The following NBEAL1 variants were observed in gnomAD, a reference collection of about 807,000 sequenced individuals.
NBEAL1 encodes neurobeachin-like protein 1.
Under a neutral mutation model 351.3 loss-of-function variants are expected in NBEAL1, and 273 were observed. The ratio of observed to expected loss-of-function variants is 0.78; its 90% CI spans 0.70 to 0.86. The LOEUF (loss-of-function observed/expected upper bound fraction) is 0.86, where lower values mean the gene tolerates loss of function less well. Ranked by LOEUF, NBEAL1 falls within the 40% of genes least tolerant of loss-of-function variation. The pLI is 0.00. For missense variants in NBEAL1, 2,961 were observed against 3,201.3 expected (o/e 0.92, Z 1.81); for synonymous variants, 1,050 against 1,086.4 (o/e 0.97, Z 0.66).
chr2:203,040,398 T>A (rs912491515), intron 2 of NBEAL1: 7 of 712,978 alleles, frequency 9.8e-6, no homozygotes, highest in Non-Finnish European at 1.5e-5. Flanking sequence ...AAAGGATTAA[T>A]GGCATGAGTT....
At chr2:203,097,850 A>T (rs1163807264) in intron 11 of NBEAL1, among the ~76,000 whole-genome samples, 4 of 152,238 alleles carry the variant, frequency 2.6e-5, no homozygotes, top group Non-Finnish European at 5.9e-5. Flanking sequence ...GTACCATTCC[A>T]TTCCCTCTAC....
chr2:203,209,413 A>G (rs1021308108), intron 53 of NBEAL1, 91 bp downstream of exon 53: 2 of 953,010 alleles, frequency 2.1e-6, no homozygotes, highest in African/African-American at 3.3e-5. Flanking sequence ...AGAAGGAAAG[A>G]ACACCATATT....
At chr2:203,095,433 T>G (rs1180833039) in intron 10 of NBEAL1, among the ~76,000 whole-genome samples, 1 of 151,886 alleles carries the variant, frequency 6.6e-6, no homozygotes, top group Non-Finnish European at 1.5e-5. Context: ...TAGCTGAGAT[T>G]ACAGGCATGC....
Position 203,183,832 on chromosome 2 carries a change from T to C in NBEAL1, c.6705+444T>C, listed in dbSNP as rs188034345. Among the ~76,000 whole-genome samples, 464 of 152,044 alleles carry C rather than the reference T, an allele frequency of 3.1e-3. 1 individual carries two copies. Among genetic ancestry groups the C allele is most frequent in the Middle Eastern group, 6.8e-3 (2 of 294 alleles). ...CTCACACCTGTAATCCTAGCACTTTTGGAGGCCAAGGAGGCCAAGGCCTCA... is the reference window on the plus strand; with the variant it reads ...CTCACACCTGTAATCCTAGCACTTTCGGAGGCCAAGGAGGCCAAGGCCTCA... On this transcript the variant is annotated intron_variant, in intron 44 of 55. Coordinates refer to ENST00000683969, the MANE Select transcript of NBEAL1 (RefSeq NM_001378026.1).
At position 203,184,201 on chromosome 2, in the gene NBEAL1, C is replaced by T. The variant is rs1192894675; in HGVS notation, c.6705+813C>T. 2.0e-5 allele frequency among the ~76,000 whole-genome samples: 3 copies of T among 151,436 alleles called. No homozygotes were observed. In the South Asian group the frequency reaches 6.3e-4, roughly 32 times the overall value. On this transcript the variant is annotated intron_variant, in intron 44 of 55. Coordinates refer to ENST00000683969, the MANE Select transcript of NBEAL1 (RefSeq NM_001378026.1). ...ATCCCAGCACTGTGGGAGGCCAAGG[C>T]GGGCAGATCACCTGAGGTCAGGAAT...
chr2:203,125,875 G>A (rs1181307254), intron 20 of NBEAL1, 85 bp from the exon 21 acceptor site: 2 of 1,142,626 alleles, frequency 1.8e-6, no homozygotes, highest in East Asian at 5.6e-5. Flanking sequence ...TCTACTTTGT[G>A]TAACAGTGTG....
At chr2:203,200,677 G>C (rs1173552315) in intron 49 of NBEAL1, among the ~76,000 whole-genome samples, 4 of 152,050 alleles carry the variant, frequency 2.6e-5, no homozygotes, top group Non-Finnish European at 5.9e-5. Flanking sequence ...CTGGACGACA[G>C]AGCAAGACTC....
At chr2:203,100,476 G>T (rs2062290316) in intron 12 of NBEAL1, among the ~76,000 whole-genome samples, 1 of 151,442 alleles carries the variant, frequency 6.6e-6, no homozygotes, top group Non-Finnish European at 1.5e-5. Flanking sequence ...TTGTGGTTTT[G>T]ATTTGCATTT....
At chr2:203,159,011 G>T (rs897489382) in intron 36 of NBEAL1, among the ~76,000 whole-genome samples, 3 of 151,660 alleles carry the variant, frequency 2.0e-5, no homozygotes, top group African/African-American at 7.3e-5. Context: ...CGGAGACAGG[G>T]TCTCACTGTA....
Position 203,160,798 on chromosome 2 carries a change from G to GT in NBEAL1, c.5714+2980dup, listed in dbSNP as rs138266285. On this transcript the variant is annotated intron_variant, in intron 36 of 55. Coordinates refer to ENST00000683969, the MANE Select transcript of NBEAL1 (RefSeq NM_001378026.1). ...GCCAATGACGTCTCTATTCATTGGG[G>GT]TTTTTTTGTTTTGTTTTTTGTTGTA... 4.1e-3 allele frequency among the ~76,000 whole-genome samples: 624 copies of GT among 152,204 alleles called. 1 individual carries two copies. The highest frequency in any genetic ancestry group is 0.014 in the Middle Eastern group (4 of 294).
At chr2:203,204,236 CT>C (rs202118807) in intron 51 of NBEAL1, among the ~76,000 whole-genome samples, 1 of 139,536 alleles carries the variant, frequency 7.2e-6, no homozygotes, top group African/African-American at 2.6e-5. Flanking sequence ...CCCATACCCT[CT>C]TTTTTTTAAA....
chr2:203,058,187 A>G (rs1183069503), intron 6 of NBEAL1, among the ~76,000 whole-genome samples: 1 of 152,078 alleles, frequency 6.6e-6, no homozygotes, highest in African/African-American at 2.4e-5. Context: ...TAAGGAAAAC[A>G]TAAACGAGAC....
At chr2:203,020,045 T>A (rs912974279) in intron 2 of NBEAL1, among the ~76,000 whole-genome samples, 2 of 152,188 alleles carry the variant, frequency 1.3e-5, no homozygotes, top group Non-Finnish European at 2.9e-5. Flanking sequence ...TGATAATAAT[T>A]TTAATTGATA....
At position 203,199,375 on chromosome 2, in the gene NBEAL1, G is replaced by A; in HGVS notation, c.7166G>A (p.Gly2389Glu). ...ATGAATTATGTTATTGGAACCCATG[G>A]ATGGTTGCCTTATGACAGAAACATT... ...ISMNYVIGTH[G>E]WLPYDRNISN... The change falls in exon 49 of 56, where the codon GGA (glycine) becomes GAA (glutamate). Residue 2389 changes from glycine to glutamate, a missense_variant. Coordinates refer to ENST00000683969, the MANE Select transcript of NBEAL1 (RefSeq NM_001378026.1). 1 of 1,606,822 alleles carries A rather than the reference G, an allele frequency of 6.2e-7. No individual in the cohort carries two copies. Among genetic ancestry groups the A allele is most frequent in the Non-Finnish European group, 8.5e-7 (1 of 1,174,118 alleles).
At position 203,103,279 on chromosome 2, in the gene NBEAL1, C is replaced by CT. The variant is rs945128736; in HGVS notation, c.1269+3578dup. Reference sequence around the variant, plus strand: ...CTGGAATTGTTGATCTTTTGTATTTCTTTTTTTTTTTGGAGACAGAGTCTC... The same window carrying CT: ...CTGGAATTGTTGATCTTTTGTATTTCTTTTTTTTTTTTGGAGACAGAGTCTC... On this transcript the variant is annotated intron_variant, in intron 12 of 55. Transcript: ENST00000683969. Among the ~76,000 whole-genome samples, 641 of 144,496 alleles carry CT rather than the reference C, an allele frequency of 4.4e-3. 2 individuals carry two copies. The highest frequency in any genetic ancestry group is 4.9e-3 in the Non-Finnish European group (320 of 65,492). 94.8% of individuals were successfully genotyped at this position (144,496 alleles called of 152,430 possible). A position where few individuals can be genotyped will look rare whatever the true frequency, so the allele number is the denominator to read the frequency against.
intron 24 of NBEAL1, among the ~76,000 whole-genome samples, chr2:203,129,912 A>G (rs1412061667): frequency 1.3e-5 from 2 of 152,252 alleles, no homozygotes; most frequent in South Asian, 2.1e-4. Context: ...AAAAGATATC[A>G]GAGGCCAGGT....
intron 24 of NBEAL1, among the ~76,000 whole-genome samples, chr2:203,129,681 C>G (rs1387272998): frequency 2.0e-5 from 3 of 152,012 alleles, no homozygotes; most frequent in Non-Finnish European, 4.4e-5. Context: ...TTACAAATAA[C>G]TATAAACAAA....
intron 31 of NBEAL1, among the ~76,000 whole-genome samples, chr2:203,140,475 C>T (rs1222736820): frequency 6.6e-6 from 1 of 151,722 alleles, no homozygotes; most frequent in Non-Finnish European, 1.5e-5. Flanking sequence ...CTTTTTCTTA[C>T]TATTATATAA....
intron 49 of NBEAL1, 143 bp from the exon 50 acceptor site, chr2:203,201,399 AG>A: frequency 1.9e-6 from 1 of 534,778 alleles, no homozygotes; most frequent in Non-Finnish European, 3.0e-6. Context: ...GTTTTCTGAA[AG>A]TCTATCGTTT....
Sources: gnomAD v4.1 joint callset for allele counts (sites outside exome capture counted in the v4.1 genomes callset) on GRCh38, gnomAD v4.1.1 for gene constraint, MANE v1.5 for transcripts, NCBI Gene and HGNC (gene_info 2026-07-23, HGNC 2026-07-21) for gene names.